PLEKHG6: variants seen among roughly 807,000 people sequenced by gnomAD.
PLEKHG6 encodes the protein pleckstrin homology domain-containing family G member 6.
In PLEKHG6, 91 loss-of-function variants were observed where a neutral mutation model predicts 97.5. The observed-to-expected ratio is 0.93, with a 90% CI of 0.79 to 1.11. The LOEUF is 1.11. PLEKHG6 is among the 50% of genes most tolerant of loss of function. PLEKHG6 has a pLI of 0.00. For missense variants in PLEKHG6, 1,044 were observed against 1,031.0 expected (o/e 1.01, Z -0.17); for synonymous variants, 466 against 425.5 (o/e 1.10, Z -1.17).
At chr12:6,326,330 A>T (rs1006372218) in intron 13 of PLEKHG6, 98 bp from the exon 14 acceptor site, 6 of 687,198 alleles carry the variant, frequency 8.7e-6, no homozygotes, top group Non-Finnish European at 1.4e-5. Context: ...TAATAAAATA[A>T]AATAAGGTAA....
rs553887076 is a variant in PLEKHG6, at chr12:6,317,310, A to G, written c.764A>G (p.Gln255Arg). 1 of 1,612,802 alleles carries G rather than the reference A, an allele frequency of 6.2e-7. No individual in the cohort carries two copies. The highest frequency in any genetic ancestry group is 1.3e-5 in the African/African-American group (1 of 74,910). Reference protein sequence around the residue: ...GLQSGFLTFGQRFHPYVQYCL... With the variant: ...GLQSGFLTFGRRFHPYVQYCL... ...CCGTATCTGTCTCTCCAGTTTGGCCAGCGGTTCCACCCCTATGTCCAGTAC... is the reference window on the plus strand; with the variant it reads ...CCGTATCTGTCTCTCCAGTTTGGCCGGCGGTTCCACCCCTATGTCCAGTAC... The change falls in exon 8 of 16, where the codon CAG becomes CGG. Residue 255 changes from glutamine (Q) to arginine (R), a missense_variant. By Grantham distance (43) the Gln-to-Arg change is conservative. Transcript: ENST00000684764.
In PLEKHG6 at chr12:6,315,013, C is replaced by T. The variant is rs1180267095; in HGVS notation, c.303C>T (p.Thr101=). 7 of 1,613,424 alleles carry T rather than the reference C, an allele frequency of 4.3e-6. No homozygotes were observed. Among genetic ancestry groups the T allele is most frequent in the South Asian group, 3.3e-5 (3 of 91,052 alleles). Reference sequence around the variant, plus strand: ...CTTCTCGGCTCCCCCAGGAACTCACCAAGGCCCATGAGCTGGAGGTGAGGC... The same window carrying T: ...CTTCTCGGCTCCCCCAGGAACTCACTAAGGCCCATGAGCTGGAGGTGAGGC... ...LLHSPKLKEL[T]KAHELEVRLH... is the part of the protein sequence containing the mutation. The change falls in exon 4 of 16, where the codon ACC becomes ACT. Residue 101 remains threonine, a synonymous_variant. Transcript: ENST00000684764. This position sits in a 1 kb window ranked among gnomAD's most constrained non-coding sequence, Gnocchi z 4.5.
intron 1 of PLEKHG6, among the ~76,000 whole-genome samples, chr12:6,311,883 G>A (rs1947281474): frequency 6.6e-6 from 1 of 152,168 alleles, no homozygotes. Context: ...GTTCCCATTT[G>A]AGACCAGTGC....
At position 6,327,696 on chromosome 12, in the gene PLEKHG6, G is replaced by C. The variant is rs763403215; in HGVS notation, c.2113G>C (p.Gly705Arg). Residue 705 changes from glycine (G) to arginine (R), a missense_variant, in exon 15 of 16, where the codon GGG becomes CGG. By Grantham distance (125) the Gly-to-Arg change is moderately radical (BLOSUM62 -2). Coordinates refer to ENST00000684764, the MANE Select transcript of PLEKHG6 (RefSeq NM_001384598.1). ...CTCCCCAACCCATGCTGACTCTGCC[G>C]GGGAAAGCCCCTGGGAGTCCTCAGG... is the stretch of plus-strand genomic sequence containing the variant. The part of the protein sequence containing the change: ...PSSPTHADSA[G>R]ESPWESSGEE... 9.6e-6 allele frequency: 15 copies of C among 1,561,130 alleles called. No homozygotes were observed. The highest frequency in any genetic ancestry group is 1.2e-5 in the Non-Finnish European group (14 of 1,152,130).
intron 2 of PLEKHG6, among the ~76,000 whole-genome samples, chr12:6,313,372 C>G (rs1054648701): frequency 2.0e-5 from 3 of 152,210 alleles, no homozygotes; most frequent in Admixed American, 2.0e-4. Context: ...CGGCAGGAGG[C>G]CCCACTTCTT....
intron 3 of PLEKHG6, 70 bp from the exon 4 acceptor site, chr12:6,314,935 G>C: frequency 6.8e-7 from 1 of 1,461,638 alleles, no homozygotes; most frequent in Non-Finnish European, 9.4e-7. Flanking sequence ...CACACACACA[G>C]CCCTCCCGGG....
At chr12:6,323,838 G>A (rs1168912191) in intron 13 of PLEKHG6, among the ~76,000 whole-genome samples, 2 of 152,222 alleles carry the variant, frequency 1.3e-5, no homozygotes, top group African/African-American at 4.8e-5. Context: ...AGAAGAAAGG[G>A]GTGGTCTTTG....
chr12:6,327,728 G>A lies in PLEKHG6; in HGVS notation c.2145G>A (p.Glu715=), dbSNP rs1044736173. Residue 715 remains glutamate (E), a synonymous_variant, in exon 15 of 16, where the codon GAG becomes GAA. Transcript: ENST00000684764. ...GCCCCTGGGAGTCCTCAGGGGAGGA[G>A]GAAGAAGAGGGGCCTCTGTTCCTGA... ...GESPWESSGE[E]EEEGPLFLKA... is the part of the protein sequence containing the mutation. 1.9e-6 allele frequency: 3 copies of A among 1,553,390 alleles called. No individual in the cohort carries two copies. In the Admixed American group the frequency reaches 6.1e-5, roughly 32 times the overall value.
In PLEKHG6 at chr12:6,316,554, C is replaced by T. The variant is rs1440910602; in HGVS notation, c.756+150C>T. On this transcript the variant is annotated intron_variant, in intron 7 of 15. Coordinates refer to ENST00000684764, the MANE Select transcript of PLEKHG6 (RefSeq NM_001384598.1). The surrounding 1 kb of genome is among the most constrained non-coding windows in gnomAD (Gnocchi z 4.1). ...ACCCCTAATATCACCTCACCTCCTCCCTTCATGCCACAAGTCTGACCTCTG... is the reference window on the plus strand; with the variant it reads ...ACCCCTAATATCACCTCACCTCCTCTCTTCATGCCACAAGTCTGACCTCTG... The T allele has an allele frequency of 1.5e-6, 1 of 667,668 alleles. No homozygotes were observed. Among genetic ancestry groups the T allele is most frequent in the Non-Finnish European group, 2.3e-6 (1 of 425,960 alleles). 41.4% of individuals were successfully genotyped at this position (667,668 alleles called of 1,614,324 possible).
Position 6,327,785 on chromosome 12 carries a change from G to A in PLEKHG6, c.2202G>A (p.Arg734=). Residue 734 remains arginine, a synonymous_variant, in exon 15 of 16, where the codon CGG becomes CGA. Transcript: ENST00000684764. ...GCCACACATCCCTGCGCCCAATGCG[G>A]GCTGAGGACATGCTCAGAGAGATCC... ...KAGHTSLRPM[R]AEDMLREIRE... 1.3e-6 allele frequency: 2 copies of A among 1,525,642 alleles called. No homozygotes were observed. Among genetic ancestry groups the A allele is most frequent in the Non-Finnish European group, 1.8e-6 (2 of 1,139,404 alleles). 94.5% of individuals were successfully genotyped at this position (1,525,642 alleles called of 1,614,324 possible). A position where few individuals can be genotyped will look rare whatever the true frequency, so the allele number is the denominator to read the frequency against.
At chr12:6,313,141 C>T in intron 2 of PLEKHG6, 1 of 1,546,320 alleles carries the variant, frequency 6.5e-7, no homozygotes, top group Non-Finnish European at 8.7e-7. Flanking sequence ...CCACTCCCAG[C>T]TGGATGGGAT....
At chr12:6,317,208 G>C in intron 7 of PLEKHG6, 95 bp from the exon 8 acceptor site, 3 of 783,332 alleles carry the variant, frequency 3.8e-6, no homozygotes, top group South Asian at 3.0e-5. Context: ...CCCCTGCGAG[G>C]CTCTCTTCAC....
Position 6,327,387 on chromosome 12 carries a change from C to T in PLEKHG6, c.1804C>T (p.Arg602Cys), listed in dbSNP as rs755269145. The T allele has an allele frequency of 4.3e-6, 7 of 1,614,046 alleles. No homozygotes were observed. Among genetic ancestry groups the T allele is most frequent in the African/African-American group, 4.0e-5 (3 of 74,920 alleles). The change falls in exon 15 of 16, where the codon CGC (arginine) becomes TGC (cysteine). Residue 602 changes from arginine to cysteine, a missense_variant. Coordinates refer to ENST00000684764, the MANE Select transcript of PLEKHG6 (RefSeq NM_001384598.1). ...GATCCCAGGCACCCCCACGGGGTCC[C>T]GCTCCCCACTGAGCCGTCTACGCCA... The part of the protein sequence containing the change: ...TLIPGTPTGS[R>C]SPLSRLRQRA...
At position 6,316,350 on chromosome 12, in the gene PLEKHG6, T is replaced by A; in HGVS notation, c.702T>A (p.Thr234=). 6.4e-7 allele frequency: 1 copy of A among 1,564,530 alleles called. No individual in the cohort carries two copies. ...TGCTGGGGCCCACCCTGGAGGAGAC[T>A]CGGGCCTCGGGCCAGCCTCTGGACC... The part of the protein sequence containing the change: ...DEVLGPTLEE[T]RASGQPLDPI... The change falls in exon 7 of 16, where the codon ACT becomes ACA. Residue 234 remains threonine, a synonymous_variant. Transcript: ENST00000684764. This position sits in a 1 kb window ranked among gnomAD's most constrained non-coding sequence, Gnocchi z 4.1.
intron 10 of PLEKHG6, 143 bp from the exon 11 acceptor site, chr12:6,318,158 A>T: frequency 7.1e-7 from 1 of 1,416,894 alleles, no homozygotes; most frequent in Non-Finnish European, 9.6e-7. Flanking sequence ...AAGAGCAAAA[A>T]GGAGGCCCTG....
At position 6,318,840 on chromosome 12, in the gene PLEKHG6, G is replaced by A. The variant is rs1311109343; in HGVS notation, c.1371G>A (p.Met457Ile). The A allele has an allele frequency of 1.2e-6, 2 of 1,614,086 alleles. No homozygotes were observed. Among genetic ancestry groups the A allele is most frequent in the East Asian group, 2.2e-5 (1 of 44,890 alleles). ...DKAKVIRPPL[M>I]LEKLVCQPLR... Reference sequence around the variant, plus strand: ...CCAAGGTCATCCGACCCCCTCTCATGCTGGAGAAGCTCGTGTGCCAACCCC... The same window carrying A: ...CCAAGGTCATCCGACCCCCTCTCATACTGGAGAAGCTCGTGTGCCAACCCC... Residue 457 changes from methionine (M) to isoleucine (I), a missense_variant, in exon 12 of 16, where the codon ATG becomes ATA. Physicochemically the swap from Met to Ile is conservative, Grantham distance 10. Coordinates refer to ENST00000684764, the MANE Select transcript of PLEKHG6 (RefSeq NM_001384598.1).
At chr12:6,325,593 G>C (rs141861921) in intron 13 of PLEKHG6, among the ~76,000 whole-genome samples, 5 of 152,250 alleles carry the variant, frequency 3.3e-5, no homozygotes, top group African/African-American at 9.6e-5. Context: ...CTCAGCCTGG[G>C]ACAAAGCCCA....
chr12:6,317,458 G>T (rs190564482), intron 8 of PLEKHG6, 45 bp downstream of exon 8: 12 of 1,609,550 alleles, frequency 7.5e-6, no homozygotes, highest in Non-Finnish European at 1.0e-5. Context: ...CATCTTAGCC[G>T]GCCGGTCTCC....
chr12:6,312,187 T>C lies in PLEKHG6; in HGVS notation c.-40T>C. 6.9e-7 allele frequency: 1 copy of C among 1,443,542 alleles called. No homozygotes were observed. The highest frequency in any genetic ancestry group is 9.1e-7 in the Non-Finnish European group (1 of 1,099,406). 89.4% of individuals were successfully genotyped at this position (1,443,542 alleles called of 1,614,324 possible). A position where few individuals can be genotyped will look rare whatever the true frequency, so the allele number is the denominator to read the frequency against. On this transcript the variant is annotated 5_prime_UTR_variant, in exon 2 of 16. Transcript: ENST00000684764. ...TAGGGGACCTCTTTCTCCTGGACAT[T>C]GAAGATATGGCCCTTTGGAGGTGAC... is the stretch of plus-strand genomic sequence containing the variant.
Sources: gnomAD v4.1 joint callset for allele counts (sites outside exome capture counted in the v4.1 genomes callset) on GRCh38, gnomAD v4.1.1 for gene constraint, Gnocchi (gnomAD v3.1) non-coding constraint, MANE v1.5 for transcripts, NCBI Gene and HGNC (gene_info 2026-07-23, HGNC 2026-07-21) for gene names.